The following PPIP5K2 variants were observed in gnomAD, a reference collection of about 807,000 sequenced individuals.
The protein encoded by PPIP5K2 is diphosphoinositol pentakisphosphate kinase 2.
In PPIP5K2, 105 loss-of-function variants were observed where a neutral mutation model predicts 154.6. The ratio of observed to expected loss-of-function variants is 0.68; its 90% CI spans 0.58 to 0.80. The LOEUF is 0.80. Among genes scored for constraint, PPIP5K2 ranks in the 30% least tolerant of loss-of-function variants. PPIP5K2 has a pLI of 0.00. For missense variants in PPIP5K2, 992 were observed against 1,504.6 expected (o/e 0.66, Z 5.64); for synonymous variants, 480 against 490.3 (o/e 0.98, Z 0.28).
intron 18 of PPIP5K2, among the ~76,000 whole-genome samples, chr5:103,167,859 A>G (rs1398720680): frequency 2.6e-5 from 4 of 151,934 alleles, no homozygotes; most frequent in Non-Finnish European, 5.9e-5. Flanking sequence ...TTGTTATTAA[A>G]GTCTATAATA....
chr5:103,192,438 T>C (rs1263112273), intron 29 of PPIP5K2, among the ~76,000 whole-genome samples: 1 of 152,022 alleles, frequency 6.6e-6, no homozygotes, highest in African/African-American at 2.4e-5. Flanking sequence ...TCACCCTTAA[T>C]GATGTTTCAT....
chr5:103,128,572 A>G (rs1405674717), intron 1 of PPIP5K2, among the ~76,000 whole-genome samples: 3 of 152,090 alleles, frequency 2.0e-5, no homozygotes, highest in East Asian at 3.8e-4. Flanking sequence ...GAGTCCAGCT[A>G]TGATAGTTCT....
Position 103,152,759 on chromosome 5 carries a change from A to G in PPIP5K2, c.1130+10A>G. 1 of 1,498,056 alleles carries G rather than the reference A, an allele frequency of 6.7e-7. No individual in the cohort carries two copies. Among genetic ancestry groups the G allele is most frequent in the Non-Finnish European group, 9.2e-7 (1 of 1,085,788 alleles). The allele number at this position is 1,498,056 out of a possible 1,614,324, so 92.8% of individuals were successfully genotyped here. A position where few individuals can be genotyped will look rare whatever the true frequency, so the allele number is the denominator to read the frequency against. On this transcript the variant is annotated intron_variant, in intron 10 of 30. Transcript: ENST00000358359. ...CTACATCTGGAACTATGTAAGTCTG[A>G]ATTATTTTCATTTAGAAATTGAGTT...
In PPIP5K2 at chr5:103,129,342, A is replaced by C. The variant is rs1790240591; in HGVS notation, c.-248A>C. ...GCTGTATCAACTCAAGAAAGCAGTAACTTCACTGTCTTTGTATTTTGAATT... is the reference window on the plus strand; with the variant it reads ...GCTGTATCAACTCAAGAAAGCAGTACCTTCACTGTCTTTGTATTTTGAATT... On this transcript the variant is annotated 5_prime_UTR_variant, in exon 2 of 31. Coordinates refer to ENST00000358359, the MANE Select transcript of PPIP5K2 (RefSeq NM_001276277.3). 4.0e-6 allele frequency: 1 copy of C among 247,484 alleles called. No homozygotes were observed. The highest frequency in any genetic ancestry group is 2.2e-5 in the African/African-American group (1 of 44,764). 15.3% of individuals were successfully genotyped at this position (247,484 alleles called of 1,614,324 possible).
chr5:103,149,282 T>G lies in PPIP5K2; in HGVS notation c.875T>G (p.Leu292Ter), dbSNP rs782473167. 1 of 1,613,584 alleles carries G rather than the reference T, an allele frequency of 6.2e-7. No homozygotes were observed. Among genetic ancestry groups the G allele is most frequent in the East Asian group, 2.2e-5 (1 of 44,842 alleles). ...GTTATTCTCAATGCACGAGAGAAAT[T>G]AATTGCTTGGAAAGTCTGCCTTGCT... is the stretch of plus-strand genomic sequence containing the variant. ...YPVILNAREKLIAWKVCLAFK... is the reference protein window; with the variant it reads ...YPVILNAREK Residue 292 changes from leucine to a stop codon, truncating the protein, a stop_gained, in exon 8 of 31, where the codon TTA (leucine) becomes TGA (stop). Transcript: ENST00000358359. LOFTEE classifies it high-confidence loss of function.
chr5:103,210,601 C>T lies in PPIP5K2; in HGVS notation c.*8967C>T, dbSNP rs1803754824. ...AATCTTTACCATTCCCTCTACTATT[C>T]CTAGCTCCCTTTTCTTTCATAGTCA... On this transcript the variant is annotated 3_prime_UTR_variant, in exon 31 of 31. Transcript: ENST00000358359. 1 of 152,014 alleles carries T rather than the reference C, an allele frequency of 6.6e-6. No homozygotes were observed. The highest frequency in any genetic ancestry group is 1.5e-5 in the Non-Finnish European group (1 of 67,976). 9.4% of individuals were successfully genotyped at this position (152,014 alleles called of 1,614,324 possible).
At chr5:103,199,810 T>A (rs547852097) in intron 30 of PPIP5K2, among the ~76,000 whole-genome samples, 114 of 152,180 alleles carry the variant, frequency 7.5e-4, no homozygotes, top group African/African-American at 2.7e-3. Context: ...TTTTAAATAG[T>A]TTTTTTGCAG....
rs370896875 is a variant in PPIP5K2 at position 103,138,358 on chromosome 5, A to G, written c.402-26A>G. Reference sequence around the variant, plus strand: ...CATTGTGAAATGGAGCAATAAAACAATAAGGATGTTTCCCTTTTTCTTCAG... The same window carrying G: ...CATTGTGAAATGGAGCAATAAAACAGTAAGGATGTTTCCCTTTTTCTTCAG... On this transcript the variant is annotated intron_variant, in intron 4 of 30. Coordinates refer to ENST00000358359, the MANE Select transcript of PPIP5K2 (RefSeq NM_001276277.3). The G allele has an allele frequency of 6.8e-5, 92 of 1,349,914 alleles. No homozygotes were observed. The East Asian group carries it at 1.4e-3, about 21-fold the overall frequency. 83.6% of individuals were successfully genotyped at this position (1,349,914 alleles called of 1,614,324 possible). A position where few individuals can be genotyped will look rare whatever the true frequency, so the allele number is the denominator to read the frequency against.
chr5:103,206,604 A>G lies in PPIP5K2; in HGVS notation c.*4970A>G, dbSNP rs1562531892. On this transcript the variant is annotated 3_prime_UTR_variant, in exon 31 of 31. Transcript: ENST00000358359. ...CTGTTCCATGCATAGCAGCATGTCT[A>G]GTAGGATCTCTGTACCTAGCTGTGA... 6.6e-6 allele frequency: 1 copy of G among 152,232 alleles called. No homozygotes were observed. The highest frequency in any genetic ancestry group is 2.4e-5 in the African/African-American group (1 of 41,458). 9.4% of individuals were successfully genotyped at this position (152,232 alleles called of 1,614,324 possible).
Position 103,207,651 on chromosome 5 carries a change from C to T in PPIP5K2, c.*6017C>T, listed in dbSNP as rs1237351079. 1 of 152,022 alleles carries T rather than the reference C, an allele frequency of 6.6e-6. No individual in the cohort carries two copies. The highest frequency in any genetic ancestry group is 2.4e-5 in the African/African-American group (1 of 41,422). The allele number at this position is 152,022 out of a possible 1,614,324, so 9.4% of individuals were successfully genotyped here. A position where few individuals can be genotyped will look rare whatever the true frequency, so the allele number is the denominator to read the frequency against. On this transcript the variant is annotated 3_prime_UTR_variant, in exon 31 of 31. Transcript: ENST00000358359. ...ATATCCAATTAGTGTATTTTTTCCT[C>T]TACTGCACAGTTTTGGTTGATTATT...
intron 13 of PPIP5K2, among the ~76,000 whole-genome samples, chr5:103,155,404 G>GTGTTTTTTTTT: frequency 4.2e-5 from 1 of 23,946 alleles, no homozygotes; most frequent in East Asian, 1.7e-3. Context: ...CTTCAGAGTT[G>GTGTTTTTTTTT]TCTTTTTTTT....
At chr5:103,148,456 A>G (rs956428708) in intron 7 of PPIP5K2, among the ~76,000 whole-genome samples, 4 of 152,132 alleles carry the variant, frequency 2.6e-5, no homozygotes, top group Non-Finnish European at 5.9e-5. Flanking sequence ...CATGTCTGTC[A>G]TTTTAGTTGG....
intron 19 of PPIP5K2, among the ~76,000 whole-genome samples, chr5:103,169,526 A>G (rs1554218950): frequency 1.3e-5 from 2 of 151,760 alleles, no homozygotes; most frequent in Admixed American, 6.6e-5. Flanking sequence ...CAACTTACCT[A>G]TAGGTATTTG....
At chr5:103,192,968 A>G (rs970612825) in intron 29 of PPIP5K2, among the ~76,000 whole-genome samples, 1 of 152,158 alleles carries the variant, frequency 6.6e-6, no homozygotes, top group Non-Finnish European at 1.5e-5. Context: ...TATTCCCAAG[A>G]GTCTTTGGAA....
intron 5 of PPIP5K2, among the ~76,000 whole-genome samples, chr5:103,142,222 C>T (rs889064124): frequency 6.6e-6 from 1 of 152,334 alleles, no homozygotes; most frequent in Admixed American, 6.5e-5. Flanking sequence ...AGCGCAGCGC[C>T]GGTGGGCTGG....
intron 27 of PPIP5K2, among the ~76,000 whole-genome samples, chr5:103,187,050 T>C (rs1554225380): frequency 6.6e-6 from 1 of 152,170 alleles, no homozygotes; most frequent in African/African-American, 2.4e-5. Context: ...TCAACAAATT[T>C]ATTTTAGACA....
At position 103,146,511 on chromosome 5, in the gene PPIP5K2, C is replaced by T. The variant is rs185142885; in HGVS notation, c.488-16C>T. On this transcript the variant is annotated splice_polypyrimidine_tract_variant and intron_variant, in intron 5 of 30. Transcript: ENST00000358359. ...AAGAATATGTGATATTTCTTGCAAT[C>T]GTGTTTGTTTTATAGAATGTAATCT... 2,165 of 1,602,194 alleles carry T rather than the reference C, an allele frequency of 1.4e-3. 3 individuals carry two copies. Among genetic ancestry groups the T allele is most frequent in the South Asian group, 2.5e-3 (222 of 89,568 alleles).
chr5:103,146,644 C>A lies in PPIP5K2; in HGVS notation c.605C>A (p.Thr202Asn). The A allele has an allele frequency of 6.2e-7, 1 of 1,611,830 alleles. No homozygotes were observed. The highest frequency in any genetic ancestry group is 8.5e-7 in the Non-Finnish European group (1 of 1,178,786). The change falls in exon 6 of 31, where the codon ACT (threonine) becomes AAT (asparagine). Residue 202 changes from threonine (T) to asparagine (N), a missense_variant. Thr to Asn is a moderately conservative substitution (Grantham distance 65). Around this residue, in one of 9 missense-constraint regions of PPIP5K2, gnomAD observed 51 missense variants for 152.2 expected, o/e 0.33. Transcript: ENST00000358359. ...CACAATGTTTACATTTATTACCCAA[C>A]TTCTGCTGGTGGTGGAAGTCAAAGA... ...EDHNVYIYYPTSAGGGSQRLF... is the reference protein window; with the variant it reads ...EDHNVYIYYPNSAGGGSQRLF...
Position 103,161,921 on chromosome 5 carries a change from G to A in PPIP5K2, c.1920+2593G>A, listed in dbSNP as rs184903121. 1.9e-3 allele frequency among the ~76,000 whole-genome samples: 289 copies of A among 151,996 alleles called. 3 individuals are homozygous for A. Among genetic ancestry groups the A allele is most frequent in the African/African-American group, 6.5e-3 (268 of 41,322 alleles). ...TGTAGGTTGCCTGTTCACTCTGATGGTAGTTTCTTTTGCTGTGCAGAAGCT... is the reference window on the plus strand; with the variant it reads ...TGTAGGTTGCCTGTTCACTCTGATGATAGTTTCTTTTGCTGTGCAGAAGCT... On this transcript the variant is annotated intron_variant, in intron 17 of 30. Coordinates refer to ENST00000358359, the MANE Select transcript of PPIP5K2 (RefSeq NM_001276277.3).
Sources: gnomAD v4.1 joint callset for allele counts (sites outside exome capture counted in the v4.1 genomes callset) on GRCh38, gnomAD v4.1.1 for gene constraint, gnomAD v4.1.1 regional missense constraint, MANE v1.5 for transcripts, NCBI Gene and HGNC (gene_info 2026-07-23, HGNC 2026-07-21) for gene names.